The following DLG2 variants were observed in gnomAD, a reference collection of about 807,000 sequenced individuals.
The protein encoded by DLG2 is discs large MAGUK scaffold protein 2, also known as disks large homolog 2.
Under a neutral mutation model 132.5 loss-of-function variants are expected in DLG2, and 45 were observed. The observed-to-expected ratio is 0.34, with a 90% CI of 0.27 to 0.44. The LOEUF is 0.44. Among genes scored for constraint, DLG2 ranks in the 20% least tolerant of loss-of-function variants. The pLI is 1.00. For missense variants in DLG2, 1,045 were observed against 1,196.9 expected (o/e 0.87, Z 1.87); for synonymous variants, 424 against 419.6 (o/e 1.01, Z -0.13).
chr11:83,724,316 C>T (rs7102070), intron 18 of DLG2, among the ~76,000 whole-genome samples: 2,047 of 152,208 alleles, frequency 0.013, 43 homozygotes, highest in African/African-American at 0.046. Flanking sequence ...TAGGCTCTCC[C>T]GAAGCACGCT....
At chr11:85,108,669 A>T (rs1285301228) in intron 6 of DLG2, among the ~76,000 whole-genome samples, 1 of 152,068 alleles carries the variant, frequency 6.6e-6, no homozygotes. Context: ...AAATTATCAA[A>T]ATCCCAGTGT....
intron 6 of DLG2, among the ~76,000 whole-genome samples, chr11:84,859,748 A>C (rs2083363163): frequency 6.6e-6 from 1 of 151,604 alleles, no homozygotes. Context: ...TGATCTCTTC[A>C]TTTTCCTCAG....
intron 6 of DLG2, among the ~76,000 whole-genome samples, chr11:84,697,896 A>G (rs1029661137): frequency 1.3e-5 from 2 of 151,528 alleles, no homozygotes; most frequent in African/African-American, 4.8e-5. Flanking sequence ...CACAAGGTGT[A>G]TTTGTTTTCC....
chr11:83,786,155 C>T (rs1402166422), intron 18 of DLG2, among the ~76,000 whole-genome samples: 2 of 152,136 alleles, frequency 1.3e-5, no homozygotes, highest in African/African-American at 4.8e-5. Context: ...TTTAAGTTGG[C>T]TAATCTAATT....
intron 6 of DLG2, among the ~76,000 whole-genome samples, chr11:84,838,795 C>T (rs561258620): frequency 6.6e-6 from 1 of 152,126 alleles, no homozygotes; most frequent in African/African-American, 2.4e-5. Context: ...TTCAACAACG[C>T]TTCATGCTAA....
intron 19 of DLG2, among the ~76,000 whole-genome samples, chr11:83,595,261 T>C (rs1286963469): frequency 6.6e-6 from 1 of 152,220 alleles, no homozygotes; most frequent in African/African-American, 2.4e-5. Flanking sequence ...AATGAAGGCA[T>C]TAAGTGCTTT....
At chr11:84,971,858 C>T (rs182651630) in intron 6 of DLG2, among the ~76,000 whole-genome samples, 124 of 151,830 alleles carry the variant, frequency 8.2e-4, no homozygotes, top group African/African-American at 2.9e-3. Flanking sequence ...AAAATGTAGG[C>T]GAGACACTAA....
chr11:84,679,341 GA>G (rs2099723032), intron 6 of DLG2, among the ~76,000 whole-genome samples: 1 of 152,022 alleles, frequency 6.6e-6, no homozygotes, highest in African/African-American at 2.4e-5. Flanking sequence ...AGATTTTCAG[GA>G]ATGTTTGCAA....
At chr11:84,937,165 C>G (rs1403328682) in intron 6 of DLG2, among the ~76,000 whole-genome samples, 2 of 152,080 alleles carry the variant, frequency 1.3e-5, no homozygotes, top group Non-Finnish European at 2.9e-5. Context: ...ATAAAACAAT[C>G]CAATCAATAC....
At chr11:85,602,537 C>T (rs980501061) in intron 2 of DLG2, among the ~76,000 whole-genome samples, 2 of 152,100 alleles carry the variant, frequency 1.3e-5, no homozygotes, top group Non-Finnish European at 2.9e-5. Flanking sequence ...GTGATCCTCC[C>T]AAATCATTTT....
chr11:84,806,320 T>C (rs1468962498), intron 6 of DLG2, among the ~76,000 whole-genome samples: 3 of 151,956 alleles, frequency 2.0e-5, no homozygotes, highest in Admixed American at 6.6e-5. Context: ...ACAAACAGAT[T>C]CAAGAAGCTG....
intron 18 of DLG2, among the ~76,000 whole-genome samples, chr11:83,665,678 A>C (rs1566407070): frequency 6.6e-6 from 1 of 152,194 alleles, no homozygotes; most frequent in African/African-American, 2.4e-5. Context: ...TATTCAAACC[A>C]TTCCGTATGT....
chr11:83,744,419 T>C lies in DLG2; in HGVS notation c.1825+42271A>G, dbSNP rs76907750. On this transcript the variant is annotated intron_variant, in intron 18 of 27. Transcript: ENST00000376104. ...GTACAGGGCAGAGATACAAACCAAGTACTGCACTATAGGAATATAAATTAT... is the reference window on the plus strand; with the variant it reads ...GTACAGGGCAGAGATACAAACCAAGCACTGCACTATAGGAATATAAATTAT... Among the ~76,000 whole-genome samples, 15 of 152,336 alleles carry C rather than the reference T, an allele frequency of 9.8e-5. No individual in the cohort carries two copies. In the East Asian group the frequency reaches 2.9e-3, roughly 29 times the overall value.
At chr11:85,466,856 G>A (rs2092808925) in intron 3 of DLG2, among the ~76,000 whole-genome samples, 1 of 152,126 alleles carries the variant, frequency 6.6e-6, no homozygotes. Flanking sequence ...GAAAGTCATT[G>A]GTAGCTTGAT....
chr11:84,443,381 G>C (rs541005705), intron 7 of DLG2, among the ~76,000 whole-genome samples: 1 of 152,202 alleles, frequency 6.6e-6, no homozygotes, highest in East Asian at 1.9e-4. Context: ...AAACACTCTT[G>C]TAGCTCTCTC....
chr11:85,371,073 A>G (rs1260954374), intron 3 of DLG2, among the ~76,000 whole-genome samples: 1 of 152,118 alleles, frequency 6.6e-6, no homozygotes, highest in Admixed American at 6.6e-5. Context: ...GTCTTGTTTT[A>G]ATCCTTTTCA....
intron 7 of DLG2, among the ~76,000 whole-genome samples, chr11:84,341,269 T>C (rs1600217375): frequency 1.3e-5 from 2 of 152,182 alleles, no homozygotes; most frequent in East Asian, 3.9e-4. Context: ...TATATAATAG[T>C]GGTGGTGGTG....
chr11:84,248,747 G>T (rs907205504), intron 8 of DLG2, among the ~76,000 whole-genome samples: 7 of 152,090 alleles, frequency 4.6e-5, no homozygotes, highest in African/African-American at 1.7e-4. Flanking sequence ...CACTCCTGTA[G>T]TCCCAGCTAC....
chr11:84,734,152 A>C (rs524960), intron 6 of DLG2, among the ~76,000 whole-genome samples: 1 of 152,022 alleles, frequency 6.6e-6, no homozygotes, highest in African/African-American at 2.4e-5. Context: ...AACTTTAAAG[A>C]AGTTTTTTCC....
Sources: gnomAD v4.1 joint callset for allele counts (sites outside exome capture counted in the v4.1 genomes callset) on GRCh38, gnomAD v4.1.1 for gene constraint, MANE v1.5 for transcripts, NCBI Gene and HGNC (gene_info 2026-07-23, HGNC 2026-07-21) for gene names.